The following PLEKHM3 variants were observed in gnomAD, a reference collection of about 807,000 sequenced individuals.
PLEKHM3 encodes the protein pleckstrin homology domain-containing family M member 3.
Under a neutral mutation model 81.8 loss-of-function variants are expected in PLEKHM3, and 45 were observed. That is an observed-to-expected ratio of 0.55 (90% CI 0.43 to 0.71). The LOEUF (loss-of-function observed/expected upper bound fraction) is 0.71. Ranked by LOEUF, PLEKHM3 falls within the 30% of genes least tolerant of loss-of-function variation. The pLI is 0.00. For synonymous variants in PLEKHM3, 352 were observed against 356.4 expected (o/e 0.99, Z 0.14); for missense variants, 788 against 924.3 (o/e 0.85, Z 1.91).
Position 208,001,403 on chromosome 2 carries a change from C to T in PLEKHM3, c.237G>A (p.Arg79=). 1.2e-6 allele frequency: 2 copies of T among 1,614,176 alleles called. No individual in the cohort carries two copies. Among genetic ancestry groups the T allele is most frequent in the African/African-American group, 2.7e-5 (2 of 75,042 alleles). ...CATTTTGAGCTTTGGTTTCTAAGAG[C>T]CTGCTCTTACAGTGGTCCCAAATCA... ...GGMIWDHCKS[R]LLETKAQNVF... The change falls in exon 2 of 8, where the codon AGG becomes AGA. Residue 79 remains arginine, a synonymous_variant. Transcript: ENST00000427836.
At chr2:207,977,922 ATAAAAAAT>A (rs1402051604) in intron 2 of PLEKHM3, among the ~76,000 whole-genome samples, 3 of 152,248 alleles carry the variant, frequency 2.0e-5, no homozygotes, top group East Asian at 1.9e-4. Context: ...GCCCGTCTCT[ATAAAAAAT>A]TAAAAAATTA....
rs2092262150 is a variant in PLEKHM3 at position 207,828,091 on chromosome 2, T to C, written c.*228A>G. Reference sequence around the variant, plus strand: ...CTAAGTGTAATCCAGCTATTGGTAGTTTCTCGAGCCACAGAGGTTCTGTGG... The same window carrying C: ...CTAAGTGTAATCCAGCTATTGGTAGCTTCTCGAGCCACAGAGGTTCTGTGG... On this transcript the variant is annotated 3_prime_UTR_variant, in exon 8 of 8. Coordinates refer to ENST00000427836, the MANE Select transcript of PLEKHM3 (RefSeq NM_001080475.3). The C allele has an allele frequency of 1.7e-5, 5 of 295,586 alleles. No individual in the cohort carries two copies. The highest frequency in any genetic ancestry group is 4.3e-5 in the African/African-American group (2 of 46,144). The allele number at this position is 295,586 out of a possible 1,614,324, so 18.3% of individuals were successfully genotyped here.
At chr2:207,897,123 C>T (rs554766941) in intron 6 of PLEKHM3, among the ~76,000 whole-genome samples, 2 of 152,290 alleles carry the variant, frequency 1.3e-5, no homozygotes, top group African/African-American at 4.8e-5. Flanking sequence ...TAGGATCATC[C>T]TGGAGGCAAA....
Position 207,976,661 on chromosome 2 carries a change from G to C in PLEKHM3, c.1536C>G (p.Phe512Leu). ...AAATCTGCTTCATACCTGCACATTTGAAACTCTGAGCAGTGAGTCCTCGTT... is the reference window on the plus strand; with the variant it reads ...AAATCTGCTTCATACCTGCACATTTCAAACTCTGAGCAGTGAGTCCTCGTT... ...SLERGLTAQS[F>L]KCAGCQRSIG... Residue 512 changes from phenylalanine to leucine, a missense_variant, in exon 3 of 8, where the codon TTC becomes TTG. Physicochemically the swap from Phe to Leu is conservative, Grantham distance 22. Transcript: ENST00000427836. This position sits in a 1 kb window ranked among gnomAD's most constrained non-coding sequence, Gnocchi z 4.1. The C allele has an allele frequency of 6.2e-7, 1 of 1,613,116 alleles. No homozygotes were observed. The highest frequency in any genetic ancestry group is 8.5e-7 in the Non-Finnish European group (1 of 1,179,420).
intron 6 of PLEKHM3, among the ~76,000 whole-genome samples, chr2:207,892,866 G>A (rs1688103014): frequency 6.6e-6 from 1 of 152,158 alleles, no homozygotes; most frequent in African/African-American, 2.4e-5. Context: ...CAGACTGCCT[G>A]CCTCGCTATT....
chr2:208,002,916 A>G (rs1460781132), intron 1 of PLEKHM3, among the ~76,000 whole-genome samples: 1 of 152,088 alleles, frequency 6.6e-6, no homozygotes, highest in African/African-American at 2.4e-5. Context: ...AGGAAAAAAA[A>G]AAAAACAAAT....
At chr2:208,024,018 C>G (rs1025096701) in intron 1 of PLEKHM3, among the ~76,000 whole-genome samples, 11 of 151,944 alleles carry the variant, frequency 7.2e-5, no homozygotes, top group Non-Finnish European at 1.3e-4. Context: ...TGGCTTGTGC[C>G]TATGGTTCCA....
intron 3 of PLEKHM3, among the ~76,000 whole-genome samples, chr2:207,961,731 A>G (rs1284959436): frequency 3.9e-5 from 6 of 152,270 alleles, no homozygotes; most frequent in Non-Finnish European, 8.8e-5. Flanking sequence ...CAAGCTGAGC[A>G]GTCCAGAGCT....
intron 7 of PLEKHM3, among the ~76,000 whole-genome samples, chr2:207,848,980 T>A (rs1200859753): frequency 6.6e-6 from 1 of 152,246 alleles, no homozygotes; most frequent in East Asian, 1.9e-4. Flanking sequence ...TCATCTGCTA[T>A]GCACTTTTCC....
At chr2:207,838,535 A>AG (rs1431304507) in intron 7 of PLEKHM3, among the ~76,000 whole-genome samples, 7 of 152,368 alleles carry the variant, frequency 4.6e-5, no homozygotes, top group South Asian at 2.1e-4. Flanking sequence ...TCTTTTGTGC[A>AG]AACACTTAAT....
chr2:208,014,505 G>C (rs1247031299), intron 1 of PLEKHM3, among the ~76,000 whole-genome samples: 2 of 152,166 alleles, frequency 1.3e-5, no homozygotes, highest in Non-Finnish European at 2.9e-5. Flanking sequence ...TTAGCTGGCC[G>C]TGGTGGCAGG....
intron 3 of PLEKHM3, among the ~76,000 whole-genome samples, chr2:207,960,533 T>C (rs538990465): frequency 7.9e-5 from 12 of 152,356 alleles, no homozygotes; most frequent in African/African-American, 2.9e-4. Context: ...ATATGTGATA[T>C]TTTAATCCCC....
chr2:208,001,227 T>C lies in PLEKHM3; in HGVS notation c.413A>G (p.Asp138Gly), dbSNP rs770426079. Reference protein sequence around the residue: ...DRPRSVNDLLDETSTFKPGHA... With the variant: ...DRPRSVNDLLGETSTFKPGHA... ...CCCTGGCTTGAAAGTTGAGGTCTCA[T>C]CCAGTAAGTCATTTACAGAACGAGG... Residue 138 changes from aspartate to glycine, a missense_variant, in exon 2 of 8, where the codon GAT (aspartate) becomes GGT (glycine). By Grantham distance (94) the Asp-to-Gly change is moderately conservative. Transcript: ENST00000427836. 2.5e-6 allele frequency: 4 copies of C among 1,614,170 alleles called. No individual in the cohort carries two copies. The highest frequency in any genetic ancestry group is 1.1e-5 in the South Asian group (1 of 91,090).
intron 7 of PLEKHM3, among the ~76,000 whole-genome samples, chr2:207,836,105 C>A (rs2092317576): frequency 6.6e-6 from 1 of 152,124 alleles, no homozygotes; most frequent in Non-Finnish European, 1.5e-5. Context: ...ACGAACTGGT[C>A]CCCTTCTTTG....
chr2:207,902,811 C>CCCATCCACCCACCCAT (rs1688476282), intron 6 of PLEKHM3, among the ~76,000 whole-genome samples: 2 of 139,444 alleles, frequency 1.4e-5, no homozygotes, highest in African/African-American at 5.5e-5. Context: ...CACCCTGTCA[C>CCCATCCACCCACCCAT]CCATCCACCC....
intron 7 of PLEKHM3, among the ~76,000 whole-genome samples, chr2:207,836,305 CAG>C (rs919132086): frequency 5.9e-5 from 4 of 68,264 alleles, no homozygotes; most frequent in East Asian, 2.9e-4. Flanking sequence ...GCCTGGGCGA[CAG>C]AGAGAGAGTC....
rs1244214578 is a variant in PLEKHM3, at chr2:207,976,758, T to G, written c.1439A>C (p.His480Pro). ...TTGGCGTTTGTTCTTCCTGAGTTCA[T>G]GCCCACCCATTTGATCCTTGGGTTT... ...RNKPKDQMGG[H>P]ELRKNKRQSV... The change falls in exon 3 of 8, where the codon CAT becomes CCT. Residue 480 changes from histidine to proline, a missense_variant. Coordinates refer to ENST00000427836, the MANE Select transcript of PLEKHM3 (RefSeq NM_001080475.3). This position sits in a 1 kb window ranked among gnomAD's most constrained non-coding sequence, Gnocchi z 4.1. The G allele has an allele frequency of 1.9e-6, 3 of 1,614,126 alleles. No individual in the cohort carries two copies. Among genetic ancestry groups the G allele is most frequent in the East Asian group, 2.2e-5 (1 of 44,898 alleles).
At chr2:207,959,665 T>C (rs1414477484) in intron 3 of PLEKHM3, among the ~76,000 whole-genome samples, 1 of 152,180 alleles carries the variant, frequency 6.6e-6, no homozygotes. Flanking sequence ...ACAAAACCTG[T>C]CCTCTCCTTT....
chr2:207,991,082 T>C (rs1266985898), intron 2 of PLEKHM3, among the ~76,000 whole-genome samples: 2 of 152,218 alleles, frequency 1.3e-5, no homozygotes, highest in African/African-American at 4.8e-5. Flanking sequence ...TCCAACTTTT[T>C]AAAAGCAGAG....
Sources: gnomAD v4.1 joint callset for allele counts (sites outside exome capture counted in the v4.1 genomes callset) on GRCh38, gnomAD v4.1.1 for gene constraint, Gnocchi (gnomAD v3.1) non-coding constraint, MANE v1.5 for transcripts, NCBI Gene and HGNC (gene_info 2026-07-23, HGNC 2026-07-21) for gene names.